FAM227A: variants seen among roughly 807,000 people sequenced by gnomAD.
The protein encoded by FAM227A is protein FAM227A.
In FAM227A, 80 loss-of-function variants were observed where a neutral mutation model predicts 74.7. That is an observed-to-expected ratio of 1.07 (90% CI 0.89 to 1.29). FAM227A has a LOEUF of 1.29. Among genes scored for constraint, FAM227A ranks in the 50% most tolerant of loss-of-function variants. The probability of loss-of-function intolerance (pLI) is 0.00; values close to 1 mark genes in which losing one functional copy is unlikely to be tolerated. For missense variants in FAM227A, 654 were observed against 683.4 expected, an observed-to-expected ratio of 0.96 and a Z score of 0.48; for synonymous variants, 237 against 241.8, an observed-to-expected ratio of 0.98 and a Z score of 0.19.
intron 12 of FAM227A, among the ~76,000 whole-genome samples, chr22:38,605,878 T>G (rs182131559): frequency 1.1e-4 from 16 of 152,310 alleles, no homozygotes; most frequent in Middle Eastern, 3.4e-3. Context: ...TCTCTGAGCC[T>G]CCATTTCTCC....
chr22:38,631,456 T>C (rs774682264), intron 6 of FAM227A, among the ~76,000 whole-genome samples: 1 of 152,040 alleles, frequency 6.6e-6, no homozygotes, highest in African/African-American at 2.4e-5. Context: ...ATTTGGGAAA[T>C]GGGTTCACTA....
rs1483707246 is a variant in FAM227A at position 38,655,208 on chromosome 22, A to G, written c.-95+912T>C. ...AGAATGGCTACTCCATAGATAGAAC[A>G]GCCAAGAGTAAAATTTTAATTTTAA... is the stretch of plus-strand genomic sequence containing the variant. On this transcript the variant is annotated intron_variant, in intron 1 of 16. Transcript: ENST00000535113. 2.6e-5 allele frequency among the ~76,000 whole-genome samples: 4 copies of G among 152,112 alleles called. No homozygotes were observed. The East Asian group carries it at 5.8e-4, about 22-fold the overall frequency.
In FAM227A at chr22:38,628,246, G is replaced by A. The variant is rs2091849498; in HGVS notation, c.718C>T (p.Leu240Phe). The A allele has an allele frequency of 3.2e-6, 5 of 1,543,156 alleles. No individual in the cohort carries two copies. The highest frequency in any genetic ancestry group is 1.7e-4 in the Middle Eastern group (1 of 5,970). ...TAGTGGCTGATGCTCACTTTTAAGA[G>A]CGCCTCTTCAGAGTGGGACTTGGGT... ...RVPKSHSEEA[L>F]LKRLPSLLSK... The change falls in exon 8 of 17, where the codon CTC (leucine) becomes TTC (phenylalanine). Residue 240 changes from leucine to phenylalanine, a missense_variant. Physicochemically the swap from Leu to Phe is conservative, Grantham distance 22. Transcript: ENST00000535113.
At chr22:38,619,455 C>T (rs932260149) in intron 11 of FAM227A, among the ~76,000 whole-genome samples, 5 of 152,142 alleles carry the variant, frequency 3.3e-5, no homozygotes, top group African/African-American at 1.2e-4. Context: ...TCCTGAGTAG[C>T]TGGGACTACA....
At chr22:38,594,488 T>C (rs1255308747) in intron 15 of FAM227A, among the ~76,000 whole-genome samples, 1 of 152,198 alleles carries the variant, frequency 6.6e-6, no homozygotes, top group African/African-American at 2.4e-5. Flanking sequence ...TCTTTCCTTG[T>C]AAAACAAAAA....
At chr22:38,631,261 C>G (rs1449591476) in intron 6 of FAM227A, among the ~76,000 whole-genome samples, 4 of 146,298 alleles carry the variant, frequency 2.7e-5, no homozygotes, top group Non-Finnish European at 4.5e-5. Context: ...GCTGGAGGCA[C>G]TATCCTAAGT....
chr22:38,586,286 C>CGTGAG, intron 16 of FAM227A, 87 bp from the exon 17 acceptor site: 2 of 1,409,166 alleles, frequency 1.4e-6, no homozygotes, highest in Non-Finnish European at 1.9e-6. Flanking sequence ...AGTGGCGTGG[C>CGTGAG]CAGTGGTGAT....
chr22:38,632,709 A>G (rs2091937517), intron 6 of FAM227A, among the ~76,000 whole-genome samples: 1 of 152,170 alleles, frequency 6.6e-6, no homozygotes, highest in Non-Finnish European at 1.5e-5. Flanking sequence ...ACACCAAGAT[A>G]GTGCTGTTTG....
At chr22:38,644,563 A>G (rs936708519) in intron 3 of FAM227A, among the ~76,000 whole-genome samples, 2 of 151,832 alleles carry the variant, frequency 1.3e-5, no homozygotes, top group Non-Finnish European at 2.9e-5. Flanking sequence ...TGGTAGATAC[A>G]TGTCATCATT....
chr22:38,625,870 G>A (rs2145582096), intron 9 of FAM227A, among the ~76,000 whole-genome samples: 1 of 150,866 alleles, frequency 6.6e-6, no homozygotes, highest in Non-Finnish European at 1.5e-5. Context: ...TTGAACCTGG[G>A]AGGCGGAGGT....
chr22:38,622,215 A>G (rs2091704437), intron 10 of FAM227A, among the ~76,000 whole-genome samples: 1 of 152,242 alleles, frequency 6.6e-6, no homozygotes, highest in Non-Finnish European at 1.5e-5. Flanking sequence ...GTTCTTCTCA[A>G]CACACTGCTT....
chr22:38,638,850 T>A, intron 4 of FAM227A, 28 bp from the exon 5 acceptor site: 1 of 1,449,196 alleles, frequency 6.9e-7, no homozygotes, highest in East Asian at 2.5e-5. Context: ...AAGAGATAAA[T>A]GAGTAACCAC....
At chr22:38,645,884 A>G (rs951560611) in intron 2 of FAM227A, among the ~76,000 whole-genome samples, 4 of 152,018 alleles carry the variant, frequency 2.6e-5, no homozygotes, top group Admixed American at 2.6e-4. Flanking sequence ...CCCGGGCTCA[A>G]TCGATCCTCC....
chr22:38,649,729 G>A (rs2092295766), intron 2 of FAM227A, among the ~76,000 whole-genome samples: 1 of 151,312 alleles, frequency 6.6e-6, no homozygotes. Context: ...TTAGCCAGGT[G>A]TGGTGGCAGG....
At chr22:38,591,338 A>G in intron 16 of FAM227A, 97 bp downstream of exon 16, 2 of 1,461,742 alleles carry the variant, frequency 1.4e-6, no homozygotes, top group Non-Finnish European at 1.8e-6. Flanking sequence ...AATAAAATAA[A>G]ATAAAATAAT....
chr22:38,610,448 GA>G (rs1390309697), intron 11 of FAM227A, among the ~76,000 whole-genome samples: 1 of 152,218 alleles, frequency 6.6e-6, no homozygotes, highest in African/African-American at 2.4e-5. Flanking sequence ...GCAGCTTGCT[GA>G]TGCAGAGAGA....
At chr22:38,626,468 C>T (rs2091802825) in intron 8 of FAM227A, among the ~76,000 whole-genome samples, 165 bp from the exon 9 acceptor site, 1 of 151,810 alleles carries the variant, frequency 6.6e-6, no homozygotes, top group African/African-American at 2.4e-5. Flanking sequence ...GAACTCCTGG[C>T]TGAAGTGATC....
At chr22:38,626,083 A>G in intron 9 of FAM227A, 97 bp downstream of exon 9, 6 of 1,246,840 alleles carry the variant, frequency 4.8e-6, no homozygotes, top group South Asian at 1.5e-5. Flanking sequence ...GAATGCCTTC[A>G]TGAAGGGGTG....
chr22:38,601,631 A>G (rs535235780), intron 13 of FAM227A, among the ~76,000 whole-genome samples: 1 of 152,324 alleles, frequency 6.6e-6, no homozygotes, highest in South Asian at 2.1e-4. Flanking sequence ...GCAGAAGAGC[A>G]GTCAGGAGGC....
Sources: allele counts gnomAD v4.1 joint callset (sites outside exome capture counted in the v4.1 genomes callset), GRCh38; gene constraint gnomAD v4.1.1; transcripts MANE v1.5; gene names NCBI Gene and HGNC (gene_info 2026-07-23, HGNC 2026-07-21).